The following SPATS2 variants were observed in gnomAD, a reference collection of about 807,000 sequenced individuals.
The protein encoded by SPATS2 is spermatogenesis-associated serine-rich protein 2.
A neutral mutation model predicts 63.7 loss-of-function variants in SPATS2; 38 were observed. That is an observed-to-expected ratio of 0.60 (90% CI 0.46 to 0.78). SPATS2 has a LOEUF of 0.78. SPATS2 is among the 30% of genes least tolerant of loss of function. The pLI is 0.00. For synonymous variants in SPATS2, 207 were observed against 232.9 expected (o/e 0.89, Z 1.01); for missense variants, 588 against 666.2 (o/e 0.88, Z 1.29).
chr12:49,383,782 A>G (rs769212011), intron 2 of SPATS2, among the ~76,000 whole-genome samples: 2 of 152,330 alleles, frequency 1.3e-5, no homozygotes, highest in South Asian at 4.1e-4. Context: ...TAATGGATAT[A>G]TCTAGGTGTT....
At chr12:49,509,855 CTT>C (rs1239077400) in intron 9 of SPATS2, among the ~76,000 whole-genome samples, 3 of 150,044 alleles carry the variant, frequency 2.0e-5, no homozygotes, top group Non-Finnish European at 3.0e-5. Context: ...TGGCAATTCT[CTT>C]TTTTGGTTAT....
chr12:49,433,493 A>G (rs1395263629), intron 2 of SPATS2, among the ~76,000 whole-genome samples: 2 of 152,204 alleles, frequency 1.3e-5, no homozygotes, highest in South Asian at 2.1e-4. Context: ...TTAAGAGCAC[A>G]TGAGCTCCTG....
intron 2 of SPATS2, among the ~76,000 whole-genome samples, chr12:49,428,630 A>G (rs577445088): frequency 2.1e-4 from 32 of 152,356 alleles, no homozygotes; most frequent in Non-Finnish European, 3.1e-4. Flanking sequence ...AGTCTGAATA[A>G]TATTCCATCT....
At chr12:49,480,680 T>C (rs913365258) in intron 3 of SPATS2, among the ~76,000 whole-genome samples, 4 of 152,198 alleles carry the variant, frequency 2.6e-5, no homozygotes, top group African/African-American at 9.6e-5. Context: ...TTCTATGTTT[T>C]ATCTTTTAAG....
At position 49,486,188 on chromosome 12, in the gene SPATS2, G is replaced by T. The variant is rs367709701; in HGVS notation, c.105+1519G>T. 944 of 441,404 alleles carry T rather than the reference G, an allele frequency of 2.1e-3. 19 individuals are homozygous for T. The highest frequency in any genetic ancestry group is 0.014 in the South Asian group (890 of 62,048). The allele number at this position is 441,404 out of a possible 1,614,324, so 27.3% of individuals were successfully genotyped here. On this transcript the variant is annotated intron_variant, in intron 4 of 13. Coordinates refer to ENST00000552918, the MANE Select transcript of SPATS2 (RefSeq NM_023071.4). ...AGAGTCTGTAAGTTTGGTGCCTTTTGTTGTTGTTGTTGTTGTTTTGTTTTC... is the reference window on the plus strand; with the variant it reads ...AGAGTCTGTAAGTTTGGTGCCTTTTTTTGTTGTTGTTGTTGTTTTGTTTTC...
At chr12:49,479,196 C>T (rs1035829296) in intron 3 of SPATS2, among the ~76,000 whole-genome samples, 54 of 152,306 alleles carry the variant, frequency 3.5e-4, no homozygotes, top group African/African-American at 9.6e-4. Context: ...TGGCCATGGG[C>T]GGGCCTGGAA....
intron 9 of SPATS2, chr12:49,513,034 G>A (rs1359103000): frequency 1.6e-6 from 1 of 643,898 alleles, no homozygotes; most frequent in African/African-American, 1.9e-5. Context: ...TTAACATCAT[G>A]CGTAACGATT....
At chr12:49,426,954 C>T (rs891994808) in intron 2 of SPATS2, among the ~76,000 whole-genome samples, 1 of 152,146 alleles carries the variant, frequency 6.6e-6, no homozygotes, top group Non-Finnish European at 1.5e-5. Flanking sequence ...TGTAAACATT[C>T]TTGTACATGT....
chr12:49,485,158 C>T (rs559083199), intron 4 of SPATS2, among the ~76,000 whole-genome samples: 1 of 151,358 alleles, frequency 6.6e-6, no homozygotes, highest in Non-Finnish European at 1.5e-5. Context: ...CTCTGCCTTC[C>T]GGGTTCGCGC....
At chr12:49,498,790 A>AT (rs147335434) in intron 8 of SPATS2, among the ~76,000 whole-genome samples, 21,540 of 95,062 alleles carry the variant, frequency 0.23, 3,901 homozygotes, top group African/African-American at 0.48. Flanking sequence ...TATGGTATCT[A>AT]TTTTTTTTTT....
rs1350585328 is a variant in SPATS2 at position 49,391,538 on chromosome 12, G to A, written c.-244+20248G>A. 3.2e-4 allele frequency among the ~76,000 whole-genome samples: 48 copies of A among 152,010 alleles called. 1 individual carries two copies. Among genetic ancestry groups the A allele is most frequent in the Non-Finnish European group, 8.8e-5 (6 of 68,014 alleles). On this transcript the variant is annotated intron_variant, in intron 2 of 13. Transcript: ENST00000552918. Reference sequence around the variant, plus strand: ...AAAAATATGTATATTTTAAAAAAAAGTCAAGTATGTAGTATGTATATTTTA... The same window carrying A: ...AAAAATATGTATATTTTAAAAAAAAATCAAGTATGTAGTATGTATATTTTA...
In SPATS2 at chr12:49,386,894, A is replaced by G. The variant is rs374603023; in HGVS notation, c.-244+15604A>G. Reference sequence around the variant, plus strand: ...CAAGATCAGTGGAAGTGAGAAATTTAAAGAACTGAGACAAGGAATTCAGAG... The same window carrying G: ...CAAGATCAGTGGAAGTGAGAAATTTGAAGAACTGAGACAAGGAATTCAGAG... On this transcript the variant is annotated intron_variant, in intron 2 of 13. Transcript: ENST00000552918. Among the ~76,000 whole-genome samples the G allele has an allele frequency of 1.2e-3, 187 of 152,316 alleles. 8 individuals carry two copies. The South Asian group carries it at 0.038, about 31-fold the overall frequency.
chr12:49,372,943 TGTGTGTG>T (rs1944026257), intron 2 of SPATS2, among the ~76,000 whole-genome samples: 3 of 17,140 alleles, frequency 1.8e-4, no homozygotes, highest in Non-Finnish European at 3.0e-4. Flanking sequence ...TTCTGTTTTG[TGTGTGTG>T]TGTGTGTGTG....
chr12:49,486,164 G>C, intron 4 of SPATS2: 1 of 445,474 alleles, frequency 2.2e-6, no homozygotes, highest in Non-Finnish European at 4.5e-6. Flanking sequence ...CTTTATCGTA[G>C]AGTCTGTAAG....
intron 2 of SPATS2, among the ~76,000 whole-genome samples, chr12:49,383,333 T>A (rs181214627): frequency 7.4e-4 from 112 of 152,284 alleles, no homozygotes; most frequent in East Asian, 5.8e-3. Context: ...TGTATTTTTT[T>A]AATGATATTT....
intron 11 of SPATS2, 151 bp downstream of exon 11, chr12:49,519,333 G>C (rs1946900063): frequency 1.6e-6 from 1 of 610,690 alleles, no homozygotes. Flanking sequence ...TCTGTAAGTG[G>C]TATTATCATC....
At chr12:49,442,330 A>T (rs1455403536) in intron 2 of SPATS2, 3 of 152,672 alleles carry the variant, frequency 2.0e-5, no homozygotes, top group Non-Finnish European at 4.4e-5. Flanking sequence ...AAACACATTT[A>T]AAAAATAGTT....
At chr12:49,525,809 T>TAAAG in intron 13 of SPATS2, 135 bp from the exon 14 acceptor site, 1 of 946,768 alleles carries the variant, frequency 1.1e-6, no homozygotes, top group Non-Finnish European at 1.6e-6. Context: ...CTGAGAGAAT[T>TAAAG]CTTTGAGTCT....
intron 3 of SPATS2, chr12:49,461,339 G>A: frequency 3.8e-6 from 1 of 262,244 alleles, no homozygotes; most frequent in Non-Finnish European, 7.1e-6. Flanking sequence ...GATATTCTAT[G>A]TTGTTTGAGT....
Sources: gnomAD v4.1 joint callset for allele counts (sites outside exome capture counted in the v4.1 genomes callset) on GRCh38, gnomAD v4.1.1 for gene constraint, MANE v1.5 for transcripts, NCBI Gene and HGNC (gene_info 2026-07-23, HGNC 2026-07-21) for gene names.